The following KIRREL3 variants were observed in gnomAD, a reference collection of about 807,000 sequenced individuals.
KIRREL3 encodes kin of IRRE-like protein 3.
A neutral mutation model predicts 89.7 loss-of-function variants in KIRREL3; 36 were observed. The observed-to-expected ratio is 0.40, with a 90% CI of 0.31 to 0.53. KIRREL3 has a LOEUF of 0.53. KIRREL3 is among the 20% of genes least tolerant of loss of function. The pLI is 0.49. For missense variants in KIRREL3, 864 were observed against 1,056.6 expected (o/e 0.82, Z 2.53); for synonymous variants, 445 against 441.4 (o/e 1.01, Z -0.10).
rs1233071016 is a variant in KIRREL3 at position 126,666,090 on chromosome 11, G to A, written c.56-103178C>T. 6.6e-6 allele frequency among the ~76,000 whole-genome samples: 1 copy of A among 152,188 alleles called. No homozygotes were observed. The highest frequency in any genetic ancestry group is 1.5e-5 in the Non-Finnish European group (1 of 68,038). On this transcript the variant is annotated intron_variant, in intron 1 of 16. Transcript: ENST00000525144. The surrounding 1 kb of genome is among the most constrained non-coding windows in gnomAD (Gnocchi z 4.2). ...TCGGAGATTCTGATTTGCATCCATGGTTCAGAACCACTTGCCTACTGCATT... is the reference window on the plus strand; with the variant it reads ...TCGGAGATTCTGATTTGCATCCATGATTCAGAACCACTTGCCTACTGCATT...
Position 126,430,200 on chromosome 11 carries a change from A to G in KIRREL3, c.1697-912T>C, listed in dbSNP as rs1417100721. 1.3e-5 allele frequency among the ~76,000 whole-genome samples: 2 copies of G among 150,858 alleles called. No homozygotes were observed. Among genetic ancestry groups the G allele is most frequent in the Admixed American group, 6.6e-5 (1 of 15,152 alleles). On this transcript the variant is annotated intron_variant, in intron 14 of 16. Transcript: ENST00000525144. This position sits in a 1 kb window ranked among gnomAD's most constrained non-coding sequence, Gnocchi z 6.6. ...TGGCTCACGCCTGTAATCCCAGCAC[A>G]TTGGGAGGCCGAGGAAGGCGGACCA...
intron 1 of KIRREL3, among the ~76,000 whole-genome samples, chr11:126,819,874 G>A (rs909644531): frequency 6.6e-6 from 1 of 152,146 alleles, no homozygotes; most frequent in Non-Finnish European, 1.5e-5. Flanking sequence ...CCACTCTCCC[G>A]ACGCACCCCA....
intron 1 of KIRREL3, among the ~76,000 whole-genome samples, chr11:126,929,959 C>T (rs371891420): frequency 6.6e-6 from 1 of 151,654 alleles, no homozygotes; most frequent in Non-Finnish European, 1.5e-5. Context: ...CCCCCCCCCC[C>T]CCACCTCACC....
At chr11:126,801,955 A>T (rs1012126345) in intron 1 of KIRREL3, among the ~76,000 whole-genome samples, 1 of 152,062 alleles carries the variant, frequency 6.6e-6, no homozygotes, top group African/African-American at 2.4e-5. Flanking sequence ...TTGAATCAGT[A>T]TCCTAAAATC....
At chr11:126,536,510 T>C (rs1268108268) in intron 2 of KIRREL3, among the ~76,000 whole-genome samples, 2 of 152,102 alleles carry the variant, frequency 1.3e-5, no homozygotes, top group Admixed American at 6.5e-5. Context: ...CAGGGCAGCA[T>C]GGACTAGTAC....
intron 1 of KIRREL3, among the ~76,000 whole-genome samples, chr11:126,947,280 C>T (rs1226129270): frequency 6.6e-6 from 1 of 152,224 alleles, no homozygotes; most frequent in Admixed American, 6.5e-5. Flanking sequence ...TTGTCTTCCA[C>T]TCTTTGCTCT....
Position 126,906,732 on chromosome 11 carries a change from C to T in KIRREL3, c.55+93723G>A, listed in dbSNP as rs1359502668. ...AGGCAAATTAGATCCTGAAAGTCTG[C>T]ACTGCACTCGGATCCCCAGCACCTC... On this transcript the variant is annotated intron_variant, in intron 1 of 16. Coordinates refer to ENST00000525144, the MANE Select transcript of KIRREL3 (RefSeq NM_032531.4). The surrounding 1 kb of genome is among the most constrained non-coding windows in gnomAD (Gnocchi z 4.1). 6.6e-6 allele frequency among the ~76,000 whole-genome samples: 1 copy of T among 152,170 alleles called. No homozygotes were observed. Among genetic ancestry groups the T allele is most frequent in the African/African-American group, 2.4e-5 (1 of 41,434 alleles).
rs1951232890 is a variant in KIRREL3, at chr11:126,807,268, G to T, written c.55+193187C>A. On this transcript the variant is annotated intron_variant, in intron 1 of 16. Transcript: ENST00000525144. The surrounding 1 kb of genome is among the most constrained non-coding windows in gnomAD (Gnocchi z 4.3). Reference sequence around the variant, plus strand: ...TACTTCTAACAAAGAAATGTCATCTGAAATTTTACAATGGAGCACAGGAAA... The same window carrying T: ...TACTTCTAACAAAGAAATGTCATCTTAAATTTTACAATGGAGCACAGGAAA... Among the ~76,000 whole-genome samples, 2 of 152,310 alleles carry T rather than the reference G, an allele frequency of 1.3e-5. No homozygotes were observed. The highest frequency in any genetic ancestry group is 3.4e-3 in the Middle Eastern group (1 of 294).
intron 1 of KIRREL3, among the ~76,000 whole-genome samples, chr11:126,907,485 T>C (rs1202012851): frequency 6.6e-6 from 1 of 152,156 alleles, no homozygotes; most frequent in Non-Finnish European, 1.5e-5. Context: ...AAAAGATGGC[T>C]TGCAGACGCC....
rs1364660009 is a variant in KIRREL3, at chr11:126,877,219, C to T, written c.55+123236G>A. ...TAGTTGACAGCCAGTGGCACGAATC[C>T]ACTGGTGAGAAGAGTTCTCTTCTCC... On this transcript the variant is annotated intron_variant, in intron 1 of 16. Coordinates refer to ENST00000525144, the MANE Select transcript of KIRREL3 (RefSeq NM_032531.4). This position sits in a 1 kb window ranked among gnomAD's most constrained non-coding sequence, Gnocchi z 4.9. 6.6e-6 allele frequency among the ~76,000 whole-genome samples: 1 copy of T among 152,194 alleles called. No individual in the cohort carries two copies. Among genetic ancestry groups the T allele is most frequent in the Non-Finnish European group, 1.5e-5 (1 of 68,046 alleles).
chr11:126,577,021 C>A (rs1181182231), intron 1 of KIRREL3, among the ~76,000 whole-genome samples: 1 of 152,162 alleles, frequency 6.6e-6, no homozygotes, highest in African/African-American at 2.4e-5. Flanking sequence ...AAGACCCGTG[C>A]CTTCGCTGCT....
intron 5 of KIRREL3, among the ~76,000 whole-genome samples, chr11:126,467,948 G>A (rs1956778083): frequency 6.6e-6 from 1 of 152,150 alleles, no homozygotes; most frequent in African/African-American, 2.4e-5. Flanking sequence ...CTATGCATGT[G>A]GGCACTTATC....
At chr11:126,988,185 T>G (rs1949926123) in intron 1 of KIRREL3, among the ~76,000 whole-genome samples, 2 of 152,202 alleles carry the variant, frequency 1.3e-5, no homozygotes, top group African/African-American at 4.8e-5. Context: ...ATTTATTTCT[T>G]AATCCACTGA....
At chr11:126,862,118 A>G (rs1592240241) in intron 1 of KIRREL3, among the ~76,000 whole-genome samples, 2 of 152,228 alleles carry the variant, frequency 1.3e-5, no homozygotes, top group South Asian at 4.1e-4. Context: ...TTGAAAAGAC[A>G]TTCAAGAGTT....
chr11:126,661,927 C>A (rs1323711896), intron 1 of KIRREL3, among the ~76,000 whole-genome samples: 1 of 152,108 alleles, frequency 6.6e-6, no homozygotes, highest in East Asian at 1.9e-4. Flanking sequence ...TCAAACCCAG[C>A]CTTCGAAACA....
chr11:126,864,853 C>T (rs1215479610), intron 1 of KIRREL3, among the ~76,000 whole-genome samples: 2 of 152,300 alleles, frequency 1.3e-5, no homozygotes, highest in South Asian at 2.1e-4. Context: ...CTCCATCATG[C>T]ATATACCACA....
Position 126,983,585 on chromosome 11 carries a change from G to GCA in KIRREL3, c.55+16868_55+16869dup, listed in dbSNP as rs1565477192. ...AGTAGTAGGTGAGGTGAAGATGGAA[G>GCA]CAAGAGGTTGGAGTGAAGGGAGGAA... On this transcript the variant is annotated intron_variant, in intron 1 of 16. Coordinates refer to ENST00000525144, the MANE Select transcript of KIRREL3 (RefSeq NM_032531.4). This position sits in a 1 kb window ranked among gnomAD's most constrained non-coding sequence, Gnocchi z 4.9. Among the ~76,000 whole-genome samples, 1 of 152,192 alleles carries GCA rather than the reference G, an allele frequency of 6.6e-6. No homozygotes were observed. The highest frequency in any genetic ancestry group is 2.4e-5 in the African/African-American group (1 of 41,434).
chr11:126,537,925 A>G lies in KIRREL3; in HGVS notation c.134-11238T>C. Reference sequence around the variant, plus strand: ...CAGAGCTGAGAACGGAGGCTTTGCAAATCTGAAGTTGCACCCATTAGAATG... The same window carrying G: ...CAGAGCTGAGAACGGAGGCTTTGCAGATCTGAAGTTGCACCCATTAGAATG... On this transcript the variant is annotated intron_variant, in intron 2 of 16. Transcript: ENST00000525144. The surrounding 1 kb of genome is among the most constrained non-coding windows in gnomAD (Gnocchi z 4.3). Among the ~76,000 whole-genome samples, 1 of 152,184 alleles carries G rather than the reference A, an allele frequency of 6.6e-6. No homozygotes were observed. Among genetic ancestry groups the G allele is most frequent in the East Asian group, 1.9e-4 (1 of 5,204 alleles).
intron 4 of KIRREL3, among the ~76,000 whole-genome samples, chr11:126,518,369 G>C (rs1958481524): frequency 6.6e-6 from 1 of 152,160 alleles, no homozygotes; most frequent in Admixed American, 6.5e-5. Context: ...TCTCGTATTT[G>C]CCCTCCTCAC....
Sources: allele counts gnomAD v4.1 joint callset (sites outside exome capture counted in the v4.1 genomes callset), GRCh38; gene constraint gnomAD v4.1.1; non-coding constraint Gnocchi (gnomAD v3.1); transcripts MANE v1.5; gene names NCBI Gene and HGNC (gene_info 2026-07-23, HGNC 2026-07-21).